The following XIRP2 variants were observed in gnomAD, a reference collection of about 807,000 sequenced individuals.
XIRP2 encodes the protein xin actin-binding repeat-containing protein 2.
A neutral mutation model predicts 277.0 loss-of-function variants in XIRP2; 236 were observed. That is an observed-to-expected ratio of 0.85 (90% CI 0.77 to 0.95). The LOEUF (loss-of-function observed/expected upper bound fraction) is 0.95, where lower values mean the gene tolerates loss of function less well. Ranked by LOEUF, XIRP2 falls within the 40% of genes least tolerant of loss-of-function variation. XIRP2 has a pLI of 0.00. For synonymous variants in XIRP2, 1,490 were observed against 1,416.5 expected, an observed-to-expected ratio of 1.05 and a Z score of -1.17; for missense variants, 4,640 against 4,157.5, an observed-to-expected ratio of 1.12 and a Z score of -3.19.
chr2:167,201,068 G>A (rs1475953473), intron 3 of XIRP2, among the ~76,000 whole-genome samples: 2 of 151,604 alleles, frequency 1.3e-5, no homozygotes, highest in South Asian at 2.1e-4. Context: ...AGAGGTTGCA[G>A]TGAGCCGAGA....
intron 3 of XIRP2, among the ~76,000 whole-genome samples, chr2:167,167,066 C>T (rs1692542339): frequency 6.6e-6 from 1 of 152,126 alleles, no homozygotes; most frequent in Non-Finnish European, 1.5e-5. Context: ...ACAACTGCAT[C>T]CTTTGTCAAT....
At chr2:167,210,135 GA>G (rs1011971295) in intron 3 of XIRP2, among the ~76,000 whole-genome samples, 7 of 150,762 alleles carry the variant, frequency 4.6e-5, no homozygotes, top group East Asian at 2.0e-4. Flanking sequence ...AAGAAGAAAA[GA>G]AAAAAAAATC....
intron 2 of XIRP2, among the ~76,000 whole-genome samples, chr2:167,077,048 C>T (rs762578650): frequency 2.4e-4 from 36 of 152,020 alleles, no homozygotes; most frequent in Non-Finnish European, 4.1e-4. Context: ...GATGGGGTCT[C>T]GCTATGTTGC....
chr2:167,040,182 G>A (rs1355504230), intron 2 of XIRP2, among the ~76,000 whole-genome samples: 1 of 151,374 alleles, frequency 6.6e-6, no homozygotes, highest in Non-Finnish European at 1.5e-5. Flanking sequence ...AGCCAAGATG[G>A]CCAACTAGAT....
intron 1 of XIRP2, among the ~76,000 whole-genome samples, chr2:166,897,826 C>T (rs1553468196): frequency 6.6e-6 from 1 of 152,044 alleles, no homozygotes; most frequent in Non-Finnish European, 1.5e-5. Flanking sequence ...GTGGCAAGGC[C>T]ATGCAGTGGG....
chr2:167,186,375 A>T (rs996306661), intron 3 of XIRP2, among the ~76,000 whole-genome samples: 1 of 152,210 alleles, frequency 6.6e-6, no homozygotes, highest in Non-Finnish European at 1.5e-5. Context: ...GTATTATAGT[A>T]AACAGCTTAC....
chr2:167,142,496 T>C lies in XIRP2; in HGVS notation c.562+6434T>C, dbSNP rs568942228. On this transcript the variant is annotated intron_variant, in intron 3 of 10. Coordinates refer to ENST00000409195, the MANE Select transcript of XIRP2 (RefSeq NM_152381.6). ...CCGGGAGGTGGAGGTTGCAGTGAGCTGAGATCATGCCACTGCACTCCAGCC... is the reference window on the plus strand; with the variant it reads ...CCGGGAGGTGGAGGTTGCAGTGAGCCGAGATCATGCCACTGCACTCCAGCC... Among the ~76,000 whole-genome samples the C allele has an allele frequency of 9.8e-4, 148 of 151,778 alleles. 2 individuals are homozygous for C. The highest frequency in any genetic ancestry group is 3.4e-3 in the African/African-American group (141 of 41,362).
intron 2 of XIRP2, among the ~76,000 whole-genome samples, chr2:166,980,712 C>A (rs1358165982): frequency 6.6e-6 from 1 of 152,130 alleles, no homozygotes. Context: ...GCCACCATGC[C>A]CAGTCACTAA....
intron 2 of XIRP2, among the ~76,000 whole-genome samples, chr2:167,007,567 ATAGT>A (rs766901436): frequency 6.6e-6 from 1 of 151,580 alleles, no homozygotes; most frequent in East Asian, 1.9e-4. Context: ...TGGGATATTG[ATAGT>A]TAGGTAAGTT....
rs960090961 is a variant in XIRP2 at position 167,115,106 on chromosome 2, G to A, written c.409-20803G>A. Among the ~76,000 whole-genome samples the A allele has an allele frequency of 3.9e-5, 6 of 152,268 alleles. No individual in the cohort carries two copies. In the East Asian group the frequency reaches 5.8e-4, roughly 15 times the overall value. ...TTTCTCCACATCCTCTCCAGCACCT[G>A]TTGTTTCCTGACTTTTTAAAGATTG... On this transcript the variant is annotated intron_variant, in intron 2 of 10. Transcript: ENST00000409195.
intron 2 of XIRP2, among the ~76,000 whole-genome samples, chr2:166,940,037 AGT>A (rs1685658684): frequency 6.6e-6 from 1 of 152,194 alleles, no homozygotes; most frequent in Admixed American, 6.5e-5. Context: ...TATCCTGCAG[AGT>A]GTTTTCCAAC....
chr2:167,029,657 G>A (rs1472301670), intron 2 of XIRP2, among the ~76,000 whole-genome samples: 1 of 151,920 alleles, frequency 6.6e-6, no homozygotes, highest in Non-Finnish European at 1.5e-5. Flanking sequence ...GTATATTGGC[G>A]TGAAATTTTC....
At chr2:167,064,966 C>T (rs1689266271) in intron 2 of XIRP2, among the ~76,000 whole-genome samples, 1 of 151,830 alleles carries the variant, frequency 6.6e-6, no homozygotes. Flanking sequence ...ATGAATATGG[C>T]TGTACAGAAA....
intron 2 of XIRP2, among the ~76,000 whole-genome samples, chr2:167,104,891 T>C (rs922104024): frequency 6.6e-6 from 1 of 152,020 alleles, no homozygotes; most frequent in Non-Finnish European, 1.5e-5. Context: ...ATTCTGCGCA[T>C]ATCTTTTAGC....
intron 2 of XIRP2, among the ~76,000 whole-genome samples, chr2:167,071,742 C>T (rs969205542): frequency 2.0e-5 from 3 of 152,192 alleles, no homozygotes; most frequent in Admixed American, 2.0e-4. Flanking sequence ...GACCCTACTT[C>T]TTCTGGAAGC....
chr2:167,161,982 C>G (rs148932956), intron 3 of XIRP2, among the ~76,000 whole-genome samples: 274 of 152,232 alleles, frequency 1.8e-3, no homozygotes, highest in African/African-American at 6.3e-3. Flanking sequence ...CTCTCAAGTT[C>G]AAAGTTCCAC....
intron 3 of XIRP2, among the ~76,000 whole-genome samples, chr2:167,155,327 C>T (rs374539017): frequency 0.091 from 13,663 of 149,730 alleles, 665 homozygotes; most frequent in South Asian, 0.14. Flanking sequence ...CCTTGATGAA[C>T]ATTGATGCAA....
rs2105444097 is a variant in XIRP2 at position 167,248,555 on chromosome 2, A to G, written c.7163A>G (p.His2388Arg). 1 of 1,613,746 alleles carries G rather than the reference A, an allele frequency of 6.2e-7. No individual in the cohort carries two copies. The highest frequency in any genetic ancestry group is 1.3e-5 in the African/African-American group (1 of 74,972). ...HLLSSSAPEK[H>R]SGDFMQQYSQ... Reference sequence around the variant, plus strand: ...CTTTCCTCCTCTGCTCCGGAAAAGCACAGTGGAGACTTCATGCAACAATAT... The same window carrying G: ...CTTTCCTCCTCTGCTCCGGAAAAGCGCAGTGGAGACTTCATGCAACAATAT... Residue 2388 changes from histidine (H) to arginine (R), a missense_variant, in exon 9 of 11, where the codon CAC (histidine) becomes CGC (arginine). By Grantham distance (29) the His-to-Arg change is conservative. Transcript: ENST00000409195.
chr2:167,055,198 C>G (rs1450101222), intron 2 of XIRP2, among the ~76,000 whole-genome samples: 1 of 152,088 alleles, frequency 6.6e-6, no homozygotes, highest in African/African-American at 2.4e-5. Context: ...TTCTCTTCAC[C>G]GTGCTAAAGA....
Sources: gnomAD v4.1 joint callset for allele counts (sites outside exome capture counted in the v4.1 genomes callset) on GRCh38, gnomAD v4.1.1 for gene constraint, MANE v1.5 for transcripts, NCBI Gene and HGNC (gene_info 2026-07-23, HGNC 2026-07-21) for gene names.